Variants in PSMD11 observed in about 807,000 individuals in gnomAD.
The protein encoded by PSMD11 is proteasome 26S subunit, non-ATPase 11.
In PSMD11, 5 loss-of-function variants were observed where a neutral mutation model predicts 62.3. That is an observed-to-expected ratio of 0.08 (90% CI 0.04 to 0.17). PSMD11 has a LOEUF of 0.17. PSMD11 is among the 10% of genes least tolerant of loss of function. PSMD11 has a pLI of 1.00. For synonymous variants in PSMD11, 191 were observed against 191.8 expected (o/e 1.00, Z 0.03); for missense variants, 310 against 512.9 (o/e 0.60, Z 3.82).
chr17:32,473,738 A>G, intron 6 of PSMD11, 63 bp from the exon 7 acceptor site: 2 of 1,570,010 alleles, frequency 1.3e-6, no homozygotes, highest in Admixed American at 1.7e-5. Flanking sequence ...GCTGCCTCCC[A>G]GCTCTGATCT....
At chr17:32,451,619 A>G (rs1050719675) in intron 2 of PSMD11, among the ~76,000 whole-genome samples, 2 of 152,258 alleles carry the variant, frequency 1.3e-5, no homozygotes, top group Non-Finnish European at 2.9e-5. Flanking sequence ...GACACTATAC[A>G]TGGTCATCAG....
intron 2 of PSMD11, among the ~76,000 whole-genome samples, chr17:32,450,042 A>G (rs1182194191): frequency 3.3e-5 from 5 of 152,286 alleles, no homozygotes; most frequent in African/African-American, 1.2e-4. Flanking sequence ...TAAAACTTCT[A>G]AAAGGAATCT....
At chr17:32,465,096 A>AATCT (rs934381504) in intron 5 of PSMD11, among the ~76,000 whole-genome samples, 196 of 148,910 alleles carry the variant, frequency 1.3e-3, no homozygotes, top group African/African-American at 4.7e-3. Context: ...TTTTTTTTTT[A>AATCT]ATCTATCTAT....
intron 9 of PSMD11, among the ~76,000 whole-genome samples, chr17:32,478,815 G>A (rs1908403698): frequency 6.6e-6 from 1 of 152,136 alleles, no homozygotes; most frequent in Non-Finnish European, 1.5e-5. Context: ...GTTGCTCTTG[G>A]GGCTTACATG....
In PSMD11 at chr17:32,480,791, C is replaced by G; in HGVS notation, c.*39C>G. The G allele has an allele frequency of 1.3e-6, 1 of 746,186 alleles. No individual in the cohort carries two copies. Among genetic ancestry groups the G allele is most frequent in the Non-Finnish European group, 2.0e-6 (1 of 494,272 alleles). 46.2% of individuals were successfully genotyped at this position (746,186 alleles called of 1,614,324 possible). A position where few individuals can be genotyped will look rare whatever the true frequency, so the allele number is the denominator to read the frequency against. ...GCGGTCCTTTGGAGAGTGTGTGTGG[C>G]GGGAGAGTGAAACCTTGGGGGAAAA... On this transcript the variant is annotated 3_prime_UTR_variant, in exon 14 of 14. Coordinates refer to ENST00000261712, the MANE Select transcript of PSMD11 (RefSeq NM_002815.4).
chr17:32,456,165 A>G (rs1907644263), intron 3 of PSMD11, among the ~76,000 whole-genome samples: 1 of 151,304 alleles, frequency 6.6e-6, no homozygotes. Context: ...AAAAAAAAAA[A>G]TCATGAAAGT....
At chr17:32,460,755 CAA>C (rs397939444) in intron 3 of PSMD11, among the ~76,000 whole-genome samples, 13 of 124,042 alleles carry the variant, frequency 1.0e-4, no homozygotes, top group African/African-American at 9.5e-5. Context: ...GACACTGTCT[CAA>C]AAAAAAAAAA....
chr17:32,462,481 G>A (rs1907870569), intron 3 of PSMD11, among the ~76,000 whole-genome samples: 1 of 152,134 alleles, frequency 6.6e-6, no homozygotes, highest in South Asian at 2.1e-4. Flanking sequence ...GGTCAGTTGA[G>A]TTTAGAGTTG....
chr17:32,462,492 G>A (rs1907870722), intron 3 of PSMD11, among the ~76,000 whole-genome samples: 1 of 152,134 alleles, frequency 6.6e-6, no homozygotes, highest in Non-Finnish European at 1.5e-5. Flanking sequence ...TTTAGAGTTG[G>A]AGATTAGGTA....
At chr17:32,460,371 G>A (rs533648933) in intron 3 of PSMD11, among the ~76,000 whole-genome samples, 6 of 152,202 alleles carry the variant, frequency 3.9e-5, no homozygotes, top group Admixed American at 1.3e-4. Flanking sequence ...TAAATAAGAC[G>A]TTTTAGAATA....
chr17:32,463,931 A>G lies in PSMD11; in HGVS notation c.319-118A>G, dbSNP rs1339204909. 8.6e-6 allele frequency: 8 copies of G among 934,392 alleles called. No homozygotes were observed. The South Asian group carries it at 1.1e-4, about 13-fold the overall frequency. The allele number at this position is 934,392 out of a possible 1,614,324, so 57.9% of individuals were successfully genotyped here. On this transcript the variant is annotated intron_variant, in intron 3 of 13. Coordinates refer to ENST00000261712, the MANE Select transcript of PSMD11 (RefSeq NM_002815.4). ...CACATTGAGATACTGTGGATCAGAC[A>G]CTAAATAGAGCAACATGGATAATAT...
chr17:32,445,361 G>T (rs1907301580), intron 1 of PSMD11: 1 of 152,214 alleles, frequency 6.6e-6, no homozygotes, highest in South Asian at 2.1e-4. Context: ...TGAGTTAAGG[G>T]AGTTAGTTGT....
intron 2 of PSMD11, among the ~76,000 whole-genome samples, chr17:32,450,908 T>A (rs1057052198): frequency 6.0e-5 from 9 of 149,188 alleles, no homozygotes; most frequent in African/African-American, 2.3e-4. Context: ...TAAAAAAAAT[T>A]TTTTTTTTTT....
Position 32,479,396 on chromosome 17 carries a change from TC to T in PSMD11, c.1038+22del, listed in dbSNP as rs760792453. The T allele has an allele frequency of 3.9e-5, 63 of 1,612,112 alleles. No homozygotes were observed. Among genetic ancestry groups the T allele is most frequent in the Middle Eastern group, 3.3e-4 (2 of 6,046 alleles). ...GTACAGGTGAGAACCCTCTGGGGAC[TC>T]CATTTCTGGCCAGGCATTCTCACTG... On this transcript the variant is annotated intron_variant, in intron 10 of 13. Transcript: ENST00000261712.
intron 2 of PSMD11, among the ~76,000 whole-genome samples, chr17:32,450,153 G>A (rs1907447208): frequency 6.6e-6 from 1 of 152,032 alleles, no homozygotes; most frequent in Non-Finnish European, 1.5e-5. Flanking sequence ...TAGAGGCGGA[G>A]TTTCATCATG....
chr17:32,468,950 T>C, intron 5 of PSMD11, 49 bp from the exon 6 acceptor site: 1 of 1,522,530 alleles, frequency 6.6e-7, no homozygotes, highest in Admixed American at 2.0e-5. Flanking sequence ...GAGCTATTAT[T>C]AGGTATTAAG....
intron 3 of PSMD11, among the ~76,000 whole-genome samples, chr17:32,458,338 C>T (rs532572331): frequency 6.6e-6 from 1 of 152,302 alleles, no homozygotes; most frequent in Non-Finnish European, 1.5e-5. Flanking sequence ...GTAGTCTAAT[C>T]TCCCAGGACT....
intron 3 of PSMD11, among the ~76,000 whole-genome samples, chr17:32,455,983 A>G (rs1907637874): frequency 6.6e-6 from 1 of 151,896 alleles, no homozygotes; most frequent in African/African-American, 2.4e-5. Context: ...TTCTACTAAA[A>G]ATAAAAAAAA....
At chr17:32,473,299 G>A (rs1425345237) in intron 6 of PSMD11, among the ~76,000 whole-genome samples, 1 of 149,800 alleles carries the variant, frequency 6.7e-6, no homozygotes, top group Admixed American at 6.6e-5. Flanking sequence ...TTTTTGAGAC[G>A]GAAGTTTGCC....
Sources: gnomAD v4.1 joint callset for allele counts (sites outside exome capture counted in the v4.1 genomes callset) on GRCh38, gnomAD v4.1.1 for gene constraint, MANE v1.5 for transcripts, NCBI Gene and HGNC (gene_info 2026-07-23, HGNC 2026-07-21) for gene names.